The following ARB2A variants were observed in gnomAD, a reference collection of about 807,000 sequenced individuals.
ARB2A encodes cotranscriptional regulator ARB2A.
the ARB2A span, among the ~76,000 whole-genome samples, chr5:93,829,179 T>G: frequency 6.6e-6 from 1 of 152,172 alleles, no homozygotes; most frequent in Admixed American, 6.5e-5. Context: ...TTGAACTATA[T>G]CTTTCACCAT....
chr5:93,871,664 AT>A, the ARB2A span, among the ~76,000 whole-genome samples: 1 of 152,096 alleles, frequency 6.6e-6, no homozygotes. Context: ...AAAATGCCAT[AT>A]TTTTCATTGT....
At chr5:93,700,151 T>C in the ARB2A span, among the ~76,000 whole-genome samples, 1 of 152,164 alleles carries the variant, frequency 6.6e-6, no homozygotes, top group Non-Finnish European at 1.5e-5. Flanking sequence ...TGGATACTTT[T>C]CTAATAATAT....
the ARB2A span, among the ~76,000 whole-genome samples, chr5:93,625,036 C>T: frequency 2.0e-5 from 3 of 152,122 alleles, no homozygotes. Flanking sequence ...ACTGATGGCA[C>T]CATGCCCATG....
At chr5:93,898,272 T>TTTTTG in the ARB2A span, among the ~76,000 whole-genome samples, 169 of 152,178 alleles carry the variant, frequency 1.1e-3, no homozygotes, top group African/African-American at 3.6e-3. Flanking sequence ...CCTTACTATC[T>TTTTTG]TTTTGTTTTG....
the ARB2A span, among the ~76,000 whole-genome samples, chr5:93,707,585 T>C: frequency 6.7e-6 from 1 of 149,922 alleles, no homozygotes; most frequent in Non-Finnish European, 1.5e-5. Flanking sequence ...TCTTTTTTTT[T>C]TTTTTTTGAG....
chr5:93,971,122 C>T, the ARB2A span, among the ~76,000 whole-genome samples: 1 of 151,938 alleles, frequency 6.6e-6, no homozygotes, highest in African/African-American at 2.4e-5. Flanking sequence ...CCTCAGCCAC[C>T]CGAGTAGCTG....
the ARB2A span, among the ~76,000 whole-genome samples, chr5:93,936,689 A>G: frequency 6.6e-6 from 1 of 152,162 alleles, no homozygotes; most frequent in Non-Finnish European, 1.5e-5. Context: ...AATACTTTGG[A>G]TCCTAATTAT....
the ARB2A span, among the ~76,000 whole-genome samples, chr5:94,096,901 G>A: frequency 6.6e-6 from 1 of 152,146 alleles, no homozygotes; most frequent in Admixed American, 6.5e-5. Context: ...CCCAGAGAAG[G>A]AGTGAGTTAA....
the ARB2A span, among the ~76,000 whole-genome samples, chr5:93,770,255 A>G: frequency 1.3e-5 from 2 of 152,204 alleles, no homozygotes; most frequent in Non-Finnish European, 2.9e-5. Flanking sequence ...AAAATTCAAC[A>G]ACCCTTCATG....
At chr5:93,788,279 G>A in the ARB2A span, among the ~76,000 whole-genome samples, 13 of 151,912 alleles carry the variant, frequency 8.6e-5, no homozygotes, top group Admixed American at 2.6e-4. Flanking sequence ...GTGACAAGAC[G>A]GATGAGTTCG....
the ARB2A span, among the ~76,000 whole-genome samples, chr5:93,742,239 A>C: frequency 1.3e-5 from 2 of 152,072 alleles, no homozygotes; most frequent in Non-Finnish European, 2.9e-5. Context: ...CTAGCCTTGA[A>C]GGTCCTTTTG....
chr5:93,644,426 T>TACAC, the ARB2A span, among the ~76,000 whole-genome samples: 1 of 151,910 alleles, frequency 6.6e-6, no homozygotes, highest in Non-Finnish European at 1.5e-5. Flanking sequence ...ATTAATATTT[T>TACAC]ACACACACAC....
At chr5:94,031,358 A>C in the ARB2A span, among the ~76,000 whole-genome samples, 1 of 152,172 alleles carries the variant, frequency 6.6e-6, no homozygotes, top group Non-Finnish European at 1.5e-5. Flanking sequence ...TCTTACTAAG[A>C]ACTGAAGTAA....
At chr5:93,852,030 C>A in the ARB2A span, among the ~76,000 whole-genome samples, 1 of 152,230 alleles carries the variant, frequency 6.6e-6, no homozygotes, top group Non-Finnish European at 1.5e-5. Context: ...AATCGCCACA[C>A]TGACTTCCAC....
the ARB2A span, among the ~76,000 whole-genome samples, chr5:94,060,564 G>T: frequency 6.6e-6 from 1 of 152,044 alleles, no homozygotes; most frequent in Non-Finnish European, 1.5e-5. Context: ...AGGTTCACTG[G>T]AGAAATCTCC....
At chr5:93,914,839 C>T in the ARB2A span, among the ~76,000 whole-genome samples, 3 of 151,838 alleles carry the variant, frequency 2.0e-5, no homozygotes, top group Admixed American at 2.0e-4. Flanking sequence ...TCGTGAAAAT[C>T]TTTCCTACAA....
chr5:93,720,507 T>C, the ARB2A span, among the ~76,000 whole-genome samples: 2 of 152,226 alleles, frequency 1.3e-5, no homozygotes, highest in African/African-American at 2.4e-5. Flanking sequence ...TCTCAAGAGA[T>C]GCTTTCCCCC....
the ARB2A span, among the ~76,000 whole-genome samples, chr5:93,909,220 T>C: frequency 6.6e-6 from 1 of 151,010 alleles, no homozygotes; most frequent in Non-Finnish European, 1.5e-5. Context: ...TATGAATAAG[T>C]TTCCCTTTCC....
At chr5:93,830,303 G>GTGTGTGTGTGTGTA in the ARB2A span, among the ~76,000 whole-genome samples, 74 of 64,342 alleles carry the variant, frequency 1.2e-3, 2 homozygotes, top group Middle Eastern at 8.6e-3. Flanking sequence ...ATATATATGT[G>GTGTGTGTGTGTGTA]TGTGTGTGTA....
Sources: allele counts gnomAD v4.1 joint callset (sites outside exome capture counted in the v4.1 genomes callset), GRCh38; gene constraint gnomAD v4.1.1; transcripts MANE v1.5; gene names NCBI Gene and HGNC (gene_info 2026-07-23, HGNC 2026-07-21).